Variants in DNER observed in about 807,000 individuals in gnomAD.
DNER encodes the protein delta and Notch-like epidermal growth factor-related receptor.
DNER carries 33 observed loss-of-function variants against 78.2 expected under a neutral mutation model. The observed-to-expected ratio is 0.42, with a 90% CI of 0.32 to 0.56. The LOEUF (loss-of-function observed/expected upper bound fraction) is 0.56, where lower values mean the gene tolerates loss of function less well. Among genes scored for constraint, DNER ranks in the 20% least tolerant of loss-of-function variants. The pLI, the probability that DNER is intolerant of heterozygous loss-of-function variation, is 0.11. For missense variants in DNER, 918 were observed against 975.3 expected, an observed-to-expected ratio of 0.94 and a Z score of 0.78; for synonymous variants, 417 against 384.8, an observed-to-expected ratio of 1.08 and a Z score of -0.98.
intron 1 of DNER, among the ~76,000 whole-genome samples, chr2:229,620,382 G>T (rs566151124): frequency 5.9e-5 from 9 of 152,206 alleles, no homozygotes; most frequent in Non-Finnish European, 1.2e-4. Flanking sequence ...TATAATTATG[G>T]ATATCACCAC....
intron 6 of DNER, among the ~76,000 whole-genome samples, chr2:229,500,673 G>A (rs1353643524): frequency 6.6e-6 from 1 of 152,104 alleles, no homozygotes; most frequent in Non-Finnish European, 1.5e-5. Context: ...AAAATGTGGT[G>A]TATATATACA....
intron 5 of DNER, among the ~76,000 whole-genome samples, chr2:229,527,092 C>T (rs1048578559): frequency 3.9e-5 from 6 of 152,112 alleles, no homozygotes; most frequent in African/African-American, 9.7e-5. Context: ...CTGTCCTCTC[C>T]GAAAGCTGCA....
intron 7 of DNER, among the ~76,000 whole-genome samples, chr2:229,473,334 T>C (rs1053782378): frequency 1.3e-5 from 2 of 152,246 alleles, no homozygotes; most frequent in Admixed American, 6.5e-5. Flanking sequence ...TTTAAAAATA[T>C]AATGTGATTT....
intron 1 of DNER, among the ~76,000 whole-genome samples, chr2:229,672,186 C>T (rs571927981): frequency 8.5e-5 from 13 of 152,250 alleles, no homozygotes; most frequent in South Asian, 4.1e-4. Flanking sequence ...GGCAGCACGG[C>T]GGCCAAGGCT....
At chr2:229,530,062 T>G (rs1346357455) in intron 5 of DNER, among the ~76,000 whole-genome samples, 1 of 151,504 alleles carries the variant, frequency 6.6e-6, no homozygotes, top group Non-Finnish European at 1.5e-5. Flanking sequence ...CTAAAGGAGT[T>G]TAAAAAGCAC....
chr2:229,471,412 C>T (rs1214895271), intron 7 of DNER, among the ~76,000 whole-genome samples: 2 of 152,046 alleles, frequency 1.3e-5, no homozygotes, highest in South Asian at 2.1e-4. Context: ...ATTTAACCTA[C>T]AGGACCTTTG....
chr2:229,560,315 C>T (rs564053576), intron 4 of DNER, among the ~76,000 whole-genome samples: 3 of 152,160 alleles, frequency 2.0e-5, no homozygotes, highest in Non-Finnish European at 2.9e-5. Context: ...TTGAGCAGTA[C>T]GTGTTGGAAA....
intron 9 of DNER, among the ~76,000 whole-genome samples, chr2:229,408,357 T>C (rs13019241): frequency 0.3 from 45,801 of 151,976 alleles, 7,104 homozygotes; most frequent in South Asian, 0.37. Context: ...TATCTGCTGA[T>C]GTTACACTGG....
intron 5 of DNER, among the ~76,000 whole-genome samples, chr2:229,528,377 C>T (rs1696244354): frequency 1.3e-5 from 2 of 152,190 alleles, no homozygotes; most frequent in African/African-American, 2.4e-5. Flanking sequence ...GTGCTTCCAC[C>T]TTTGTGATCT....
intron 1 of DNER, among the ~76,000 whole-genome samples, chr2:229,674,517 G>T (rs1294200854): frequency 6.6e-6 from 1 of 152,180 alleles, no homozygotes; most frequent in African/African-American, 2.4e-5. Context: ...GACCTCAAGT[G>T]ATCCTCCCCT....
At chr2:229,703,119 C>T (rs996564459) in intron 1 of DNER, among the ~76,000 whole-genome samples, 1 of 151,946 alleles carries the variant, frequency 6.6e-6, no homozygotes, top group Non-Finnish European at 1.5e-5. Context: ...GGGGGGAGAA[C>T]ATATTTACAG....
chr2:229,586,049 G>A (rs1045445805), intron 3 of DNER, 25 bp from the exon 4 acceptor site: 3 of 1,577,502 alleles, frequency 1.9e-6, no homozygotes, highest in Middle Eastern at 1.7e-4. Flanking sequence ...GATGTAAACA[G>A]AAAGCTCCTT....
At chr2:229,694,769 AG>A (rs1366968449) in intron 1 of DNER, among the ~76,000 whole-genome samples, 6 of 152,226 alleles carry the variant, frequency 3.9e-5, no homozygotes, top group African/African-American at 1.4e-4. Flanking sequence ...ACAGGCTCAT[AG>A]GCAGAAGGAA....
At chr2:229,417,961 C>T (rs557035128) in intron 9 of DNER, 147 bp downstream of exon 9, 1 of 1,343,366 alleles carries the variant, frequency 7.4e-7, no homozygotes, top group Non-Finnish European at 1.0e-6. Flanking sequence ...AATTGGTCTC[C>T]TTGGACCGAT....
At chr2:229,505,960 G>A (rs1695734223) in intron 6 of DNER, among the ~76,000 whole-genome samples, 1 of 152,110 alleles carries the variant, frequency 6.6e-6, no homozygotes, top group Non-Finnish European at 1.5e-5. Context: ...CAAGTGTGGG[G>A]CTATAAAATA....
intron 8 of DNER, among the ~76,000 whole-genome samples, chr2:229,436,745 G>A (rs994513320): frequency 6.6e-5 from 10 of 152,200 alleles, no homozygotes; most frequent in African/African-American, 1.9e-4. Flanking sequence ...ACAAGCAAAT[G>A]TTAGGGGAAT....
chr2:229,487,535 T>A (rs181244034), intron 6 of DNER, among the ~76,000 whole-genome samples: 8 of 152,328 alleles, frequency 5.3e-5, no homozygotes, highest in Non-Finnish European at 1.0e-4. Context: ...GAAGTTGAAA[T>A]CAAAAGAAAG....
intron 7 of DNER, among the ~76,000 whole-genome samples, chr2:229,464,010 G>A (rs1395826473): frequency 1.3e-5 from 2 of 152,224 alleles, no homozygotes; most frequent in South Asian, 2.1e-4. Flanking sequence ...CAGAAATTCA[G>A]AAGGAAGAAC....
At chr2:229,506,120 A>G (rs1199882001) in intron 6 of DNER, among the ~76,000 whole-genome samples, 1 of 152,206 alleles carries the variant, frequency 6.6e-6, no homozygotes, top group African/African-American at 2.4e-5. Flanking sequence ...TCATGCTGCT[A>G]TGAAGAAATA....
Sources: gnomAD v4.1 joint callset for allele counts (sites outside exome capture counted in the v4.1 genomes callset) on GRCh38, gnomAD v4.1.1 for gene constraint, MANE v1.5 for transcripts, NCBI Gene and HGNC (gene_info 2026-07-23, HGNC 2026-07-21) for gene names.